The following PIK3CB variants were observed in gnomAD, a reference collection of about 807,000 sequenced individuals.
The protein encoded by PIK3CB is phosphatidylinositol-4,5-bisphosphate 3-kinase catalytic subunit beta, also known as phosphatidylinositol 4,5-bisphosphate 3-kinase catalytic subunit beta isoform.
Under a neutral mutation model 136.8 loss-of-function variants are expected in PIK3CB, and 39 were observed. The ratio of observed to expected loss-of-function variants is 0.29; its 90% CI spans 0.22 to 0.37. The LOEUF (loss-of-function observed/expected upper bound fraction) is 0.37, where lower values mean the gene tolerates loss of function less well. Ranked by LOEUF, PIK3CB falls within the 10% of genes least tolerant of loss-of-function variation. The pLI is 1.00. For missense variants in PIK3CB, 868 were observed against 1,275.4 expected (o/e 0.68, Z 4.87); for synonymous variants, 428 against 436.6 (o/e 0.98, Z 0.25).
intron 2 of PIK3CB, among the ~76,000 whole-genome samples, chr3:138,782,267 T>A (rs1467158911): frequency 6.6e-6 from 1 of 152,252 alleles, no homozygotes; most frequent in African/African-American, 2.4e-5. Context: ...GCCACAGAGC[T>A]GTGAAGACCT....
intron 1 of PIK3CB, among the ~76,000 whole-genome samples, chr3:138,817,120 C>T (rs1294869020): frequency 1.3e-5 from 2 of 151,910 alleles, no homozygotes; most frequent in African/African-American, 4.8e-5. Flanking sequence ...GGGCGGATCA[C>T]GAGGTCTGGA....
chr3:138,770,404 G>T (rs954620260), intron 2 of PIK3CB: 4 of 152,050 alleles, frequency 2.6e-5, no homozygotes, highest in African/African-American at 4.8e-5. Flanking sequence ...AATCATAGGA[G>T]ATATTTAAAA....
intron 8 of PIK3CB, among the ~76,000 whole-genome samples, chr3:138,724,430 TC>T (rs2044794684): frequency 6.6e-6 from 1 of 152,110 alleles, no homozygotes; most frequent in Non-Finnish European, 1.5e-5. Flanking sequence ...GTCCTGCAAA[TC>T]CCATTATTTA....
chr3:138,690,142 TGAATAAGAAAAC>T (rs2043976674), intron 15 of PIK3CB, among the ~76,000 whole-genome samples: 1 of 151,204 alleles, frequency 6.6e-6, no homozygotes, highest in East Asian at 1.9e-4. Flanking sequence ...AAAAAATATA[TGAATAAGAAAAC>T]CATATTCAGA....
intron 2 of PIK3CB, among the ~76,000 whole-genome samples, chr3:138,773,619 T>A (rs1488905513): frequency 6.6e-6 from 1 of 152,222 alleles, no homozygotes; most frequent in African/African-American, 2.4e-5. Context: ...AAAAAAAATT[T>A]AAAAATTAAA....
At chr3:138,718,406 A>C (rs924846463) in intron 8 of PIK3CB, among the ~76,000 whole-genome samples, 1 of 152,138 alleles carries the variant, frequency 6.6e-6, no homozygotes, top group Non-Finnish European at 1.5e-5. Flanking sequence ...TTCCTTATAG[A>C]TACTGGCTAA....
At chr3:138,670,225 G>C (rs1237572232) in intron 19 of PIK3CB, among the ~76,000 whole-genome samples, 2 of 152,142 alleles carry the variant, frequency 1.3e-5, no homozygotes, top group African/African-American at 2.4e-5. Flanking sequence ...ACTTGGTTGG[G>C]GTTTTCAATT....
At chr3:138,712,477 C>T (rs914086019) in intron 9 of PIK3CB, among the ~76,000 whole-genome samples, 173 bp from the exon 10 acceptor site, 3 of 151,794 alleles carry the variant, frequency 2.0e-5, no homozygotes, top group African/African-American at 7.2e-5. Context: ...ATCTTTATTA[C>T]GTTTAAGAAG....
intron 8 of PIK3CB, among the ~76,000 whole-genome samples, chr3:138,727,182 C>T (rs1268396435): frequency 1.3e-5 from 2 of 152,068 alleles, no homozygotes; most frequent in African/African-American, 4.8e-5. Flanking sequence ...AGTGGTGAGT[C>T]AACACTGAAC....
chr3:138,757,700 G>C lies in PIK3CB; in HGVS notation c.171+1473C>G, dbSNP rs577990798. The stretch of plus-strand genomic sequence containing the variant: ...AAAGAGGGAGGGAGGGAGGAAGAGA[G>C]GGAGGGAGGAAGAGAGGGAGGGAGG... On this transcript the variant is annotated intron_variant, in intron 3 of 23. Coordinates refer to ENST00000674063, the MANE Select transcript of PIK3CB (RefSeq NM_006219.3). 4.8e-5 allele frequency among the ~76,000 whole-genome samples: 7 copies of C among 146,382 alleles called. No individual in the cohort carries two copies. In the South Asian group the frequency reaches 1.6e-3, roughly 33 times the overall value.
intron 19 of PIK3CB, among the ~76,000 whole-genome samples, chr3:138,678,104 C>T (rs2043687484): frequency 6.6e-6 from 1 of 151,828 alleles, no homozygotes; most frequent in South Asian, 2.1e-4. Context: ...GAGACTCTGT[C>T]TCTCAAAAAA....
chr3:138,827,075 A>G (rs1933815502), intron 1 of PIK3CB, among the ~76,000 whole-genome samples: 1 of 151,814 alleles, frequency 6.6e-6, no homozygotes, highest in Non-Finnish European at 1.5e-5. Flanking sequence ...GTCAATAAAT[A>G]AATAAATAAA....
intron 2 of PIK3CB, chr3:138,778,448 G>T: frequency 4.0e-6 from 1 of 252,958 alleles, no homozygotes; most frequent in South Asian, 4.1e-5. Flanking sequence ...TGTACCTACT[G>T]GTGCTGCCAA....
chr3:138,689,007 T>G, intron 15 of PIK3CB, 33 bp from the exon 16 acceptor site: 1 of 1,285,610 alleles, frequency 7.8e-7, no homozygotes. Flanking sequence ...GAACAGTTTG[T>G]TTATCAAACA....
chr3:138,783,167 A>G (rs1559876619), intron 2 of PIK3CB, among the ~76,000 whole-genome samples: 1 of 152,242 alleles, frequency 6.6e-6, no homozygotes, highest in African/African-American at 2.4e-5. Context: ...AGAAATGAAC[A>G]TATCGACAGC....
rs193178882 is a variant in PIK3CB at position 138,666,266 on chromosome 3, C to T, written c.2505-1063G>A. ...CTCACCATAGCGTCAAATCCCTGGGCTCAAGGCAATCCTCCCTCCCTTGGC... is the reference window on the plus strand; with the variant it reads ...CTCACCATAGCGTCAAATCCCTGGGTTCAAGGCAATCCTCCCTCCCTTGGC... On this transcript the variant is annotated intron_variant, in intron 19 of 23. Coordinates refer to ENST00000674063, the MANE Select transcript of PIK3CB (RefSeq NM_006219.3). Among the ~76,000 whole-genome samples, 426 of 152,150 alleles carry T rather than the reference C, an allele frequency of 2.8e-3. 2 individuals are homozygous for T. The highest frequency in any genetic ancestry group is 9.8e-3 in the African/African-American group (408 of 41,496).
At chr3:138,767,568 G>A (rs530059796) in intron 2 of PIK3CB, among the ~76,000 whole-genome samples, 1 of 152,326 alleles carries the variant, frequency 6.6e-6, no homozygotes, top group African/African-American at 2.4e-5. Flanking sequence ...CTAGCAGGCT[G>A]CACTCGATTC....
intron 2 of PIK3CB, among the ~76,000 whole-genome samples, chr3:138,792,190 A>G (rs183921453): frequency 2.6e-5 from 4 of 152,226 alleles, no homozygotes; most frequent in East Asian, 1.9e-4. Flanking sequence ...GTGACACTCC[A>G]TTTCAAAAAA....
At chr3:138,678,805 A>G (rs1315266461) in intron 19 of PIK3CB, among the ~76,000 whole-genome samples, 4 of 152,178 alleles carry the variant, frequency 2.6e-5, no homozygotes, top group African/African-American at 9.7e-5. Flanking sequence ...AGAAGCTAAA[A>G]GAAATCAAAC....
Sources: allele counts gnomAD v4.1 joint callset (sites outside exome capture counted in the v4.1 genomes callset), GRCh38; gene constraint gnomAD v4.1.1; transcripts MANE v1.5; gene names NCBI Gene and HGNC (gene_info 2026-07-23, HGNC 2026-07-21).